The following ZBED4 variants were observed in gnomAD, a reference collection of about 807,000 sequenced individuals.
The protein encoded by ZBED4 is zinc finger BED-type containing 4.
In ZBED4, 4 loss-of-function variants were observed where a neutral mutation model predicts 15.5. The observed-to-expected ratio is 0.26, with a 90% confidence interval of 0.13 to 0.59. The LOEUF is 0.59. Among genes scored for constraint, ZBED4 ranks in the 20% least tolerant of loss-of-function variants. The pLI is 0.90. For synonymous variants in ZBED4, 692 were observed against 608.5 expected, an observed-to-expected ratio of 1.14 and a Z score of -2.02; for missense variants, 1,323 against 1,461.8, an observed-to-expected ratio of 0.91 and a Z score of 1.55.
At chr22:49,858,944 C>T (rs1223023710) in intron 1 of ZBED4, among the ~76,000 whole-genome samples, 1 of 152,156 alleles carries the variant, frequency 6.6e-6, no homozygotes, top group East Asian at 1.9e-4. Flanking sequence ...GCAGGTGATG[C>T]TGTGTGCTGC....
At chr22:49,873,994 A>G (rs1220041412) in intron 1 of ZBED4, among the ~76,000 whole-genome samples, 4 of 152,244 alleles carry the variant, frequency 2.6e-5, no homozygotes, top group Non-Finnish European at 5.9e-5. Flanking sequence ...GAGAACAAGA[A>G]TGAGCTTGAG....
rs2060435796 is a variant in ZBED4 at position 49,885,900 on chromosome 22, C to G, written c.2238C>G (p.Leu746=). ...ACCAGACCCGTGAGTACCTGACCCTCACGGCCCACTGGGTTTCCTTCGAGT... is the reference window on the plus strand; with the variant it reads ...ACCAGACCCGTGAGTACCTGACCCTGACGGCCCACTGGGTTTCCTTCGAGT... ...MSNQTREYLT[L]TAHWVSFESP... Residue 746 remains leucine (L), a synonymous_variant, in exon 2 of 2, where the codon CTC becomes CTG. Transcript: ENST00000216268. The G allele has an allele frequency of 9.4e-7, 1 of 1,058,980 alleles. No individual in the cohort carries two copies. The allele number at this position is 1,058,980 out of a possible 1,614,324, so 65.6% of individuals were successfully genotyped here. A position where few individuals can be genotyped will look rare whatever the true frequency, so the allele number is the denominator to read the frequency against.
intron 1 of ZBED4, among the ~76,000 whole-genome samples, chr22:49,869,285 C>T (rs1050137283): frequency 1.8e-4 from 27 of 152,166 alleles, no homozygotes; most frequent in African/African-American, 6.5e-4. Context: ...AGTGCTTCCG[C>T]TGGAAGGGCC....
In ZBED4 at chr22:49,887,326, A is replaced by G; in HGVS notation, c.*148A>G. On this transcript the variant is annotated 3_prime_UTR_variant, in exon 2 of 2. Coordinates refer to ENST00000216268, the MANE Select transcript of ZBED4 (RefSeq NM_014838.3). ...CTCTCCAGCTCACCACAGTGTCTCC[A>G]CGTGCCTTACCCCTTCTCCTTCAGG... The G allele has an allele frequency of 1.2e-6, 1 of 802,572 alleles. No homozygotes were observed. The highest frequency in any genetic ancestry group is 2.1e-5 in the South Asian group (1 of 46,674). The allele number at this position is 802,572 out of a possible 1,614,324, so 49.7% of individuals were successfully genotyped here. A position where few individuals can be genotyped will look rare whatever the true frequency, so the allele number is the denominator to read the frequency against.
chr22:49,873,186 C>G (rs1252979609), intron 1 of ZBED4, among the ~76,000 whole-genome samples: 2 of 152,316 alleles, frequency 1.3e-5, no homozygotes, highest in Non-Finnish European at 2.9e-5. Context: ...TACAAGAGTC[C>G]TAGCGTTGGC....
chr22:49,872,760 A>G (rs2060355040), intron 1 of ZBED4, among the ~76,000 whole-genome samples: 1 of 150,818 alleles, frequency 6.6e-6, no homozygotes, highest in East Asian at 2.0e-4. Flanking sequence ...GCTGGAGTGC[A>G]GTGACGTGAT....
rs910796 is a variant in ZBED4, at chr22:49,884,187, T to C, written c.525T>C (p.Ser175=). The C allele has an allele frequency of 0.9, 1,450,306 of 1,610,060 alleles. 653,723 individuals are homozygous for C. The highest frequency in any genetic ancestry group is 0.98 in the African/African-American group (73,634 of 74,892). The change falls in exon 2 of 2, where the codon AGT becomes AGC. Residue 175 remains serine (S), a synonymous_variant. Coordinates refer to ENST00000216268, the MANE Select transcript of ZBED4 (RefSeq NM_014838.3). ...HPTVLIQENG[S]VSAVSSFPSP... ...CCGTGCTCATTCAGGAAAATGGCAG[T>C]GTGTCTGCCGTGTCCTCGTTCCCCT...
chr22:49,868,123 C>G (rs1367635274), intron 1 of ZBED4, among the ~76,000 whole-genome samples: 1 of 152,190 alleles, frequency 6.6e-6, no homozygotes, highest in African/African-American at 2.4e-5. Flanking sequence ...CATGGTTTGT[C>G]CCTTCCACTT....
intron 1 of ZBED4, among the ~76,000 whole-genome samples, chr22:49,880,101 A>C (rs906128691): frequency 6.7e-6 from 1 of 149,038 alleles, no homozygotes; most frequent in African/African-American, 2.4e-5. Flanking sequence ...TAGTAAAGTT[A>C]ATCATAGACC....
rs1259069140 is a variant in ZBED4, at chr22:49,887,853, C to A, written c.*675C>A. The stretch of plus-strand genomic sequence containing the variant: ...TACATGGTCAGTTAACTCAGAGATA[C>A]CCCAGCTGTTTATCATCAGCTCCTC... On this transcript the variant is annotated 3_prime_UTR_variant, in exon 2 of 2. Coordinates refer to ENST00000216268, the MANE Select transcript of ZBED4 (RefSeq NM_014838.3). The A allele has an allele frequency of 6.0e-6, 1 of 167,234 alleles. No homozygotes were observed. Among genetic ancestry groups the A allele is most frequent in the East Asian group, 1.9e-4 (1 of 5,344 alleles). 10.4% of individuals were successfully genotyped at this position (167,234 alleles called of 1,614,324 possible). A position where few individuals can be genotyped will look rare whatever the true frequency, so the allele number is the denominator to read the frequency against.
intron 1 of ZBED4, among the ~76,000 whole-genome samples, chr22:49,882,907 G>C (rs1268191241): frequency 6.6e-6 from 1 of 152,222 alleles, no homozygotes; most frequent in Non-Finnish European, 1.5e-5. Flanking sequence ...ACGTTAGCTA[G>C]AGTTTTTCAA....
At position 49,885,007 on chromosome 22, in the gene ZBED4, C is replaced by A. The variant is rs1410350446; in HGVS notation, c.1345C>A (p.Gln449Lys). 1.2e-6 allele frequency: 2 copies of A among 1,613,230 alleles called. No individual in the cohort carries two copies. The highest frequency in any genetic ancestry group is 2.2e-5 in the South Asian group (2 of 91,008). ...RLFESGAIFQ[Q>K]NKKVMKRLKS... ...GTTTGAATCTGGCGCCATCTTCCAG[C>A]AGAATAAAAAGGTCATGAAAAGACT... Residue 449 changes from glutamine to lysine, a missense_variant, in exon 2 of 2, where the codon CAG (glutamine) becomes AAG (lysine). Coordinates refer to ENST00000216268, the MANE Select transcript of ZBED4 (RefSeq NM_014838.3).
chr22:49,859,434 CCT>C (rs1247062510), intron 1 of ZBED4, among the ~76,000 whole-genome samples: 2 of 152,056 alleles, frequency 1.3e-5, no homozygotes, highest in African/African-American at 4.8e-5. Flanking sequence ...CAAGCTGGCC[CCT>C]GTGTCCTTTT....
Position 49,884,270 on chromosome 22 carries a change from T to C in ZBED4, c.608T>C (p.Leu203Pro). The part of the protein sequence containing the change: ...PADAGDLSTI[L>P]SPIKLVQKVA... ...GACGCGGGTGACCTCAGCACCATCC[T>C]CTCACCCATCAAACTTGTCCAGAAA... Residue 203 changes from leucine to proline, a missense_variant, in exon 2 of 2, where the codon CTC becomes CCC. Transcript: ENST00000216268. 6.2e-7 allele frequency: 1 copy of C among 1,611,064 alleles called. No homozygotes were observed. The highest frequency in any genetic ancestry group is 8.5e-7 in the Non-Finnish European group (1 of 1,178,414).
Position 49,884,691 on chromosome 22 carries a change from C to T in ZBED4, c.1029C>T (p.Asn343=), listed in dbSNP as rs369020472. 1.6e-4 allele frequency: 253 copies of T among 1,599,968 alleles called. No individual in the cohort carries two copies. The highest frequency in any genetic ancestry group is 1.9e-4 in the Non-Finnish European group (223 of 1,172,394). The change falls in exon 2 of 2, where the codon AAC becomes AAT. Residue 343 remains asparagine, a synonymous_variant. Coordinates refer to ENST00000216268, the MANE Select transcript of ZBED4 (RefSeq NM_014838.3). ...RAHRAIVLQE[N]GGTGIPPLYS... ...ACCGCGCCATCGTGTTGCAGGAGAACGGGGGCACGGGCATCCCGCCACTGT... is the reference window on the plus strand; with the variant it reads ...ACCGCGCCATCGTGTTGCAGGAGAATGGGGGCACGGGCATCCCGCCACTGT...
intron 1 of ZBED4, 87 bp downstream of exon 1, chr22:49,854,076 T>G (rs2060263999): frequency 7.1e-6 from 1 of 140,122 alleles, no homozygotes; most frequent in African/African-American, 2.6e-5. Flanking sequence ...GCCGCGCCAT[T>G]GTCTGCGCCG....
In ZBED4 at chr22:49,853,965, G is replaced by T. The variant is rs902884568; in HGVS notation, c.-354G>T. On this transcript the variant is annotated 5_prime_UTR_variant, in exon 1 of 2. The change creates a premature stop within an existing upstream ORF in the 5' untranslated region. Transcript: ENST00000216268. ...GCCGCCGTCGTCCGCAGCCGGCCGG[G>T]AGCCGCCCCAGAGGCCGGGCCGAGG... 9 of 144,440 alleles carry T rather than the reference G, an allele frequency of 6.2e-5. No homozygotes were observed. The highest frequency in any genetic ancestry group is 2.0e-4 in the African/African-American group (8 of 40,340). The allele number at this position is 144,440 out of a possible 1,614,324, so 8.9% of individuals were successfully genotyped here. A position where few individuals can be genotyped will look rare whatever the true frequency, so the allele number is the denominator to read the frequency against.
chr22:49,865,076 A>T (rs976087338), intron 1 of ZBED4, among the ~76,000 whole-genome samples: 1 of 151,866 alleles, frequency 6.6e-6, no homozygotes, highest in Non-Finnish European at 1.5e-5. Flanking sequence ...GTGTGTTCTG[A>T]GAAATGCGTT....
chr22:49,861,864 G>A (rs17001371), intron 1 of ZBED4, among the ~76,000 whole-genome samples: 1,646 of 152,272 alleles, frequency 0.011, 42 homozygotes, highest in African/African-American at 0.036. Context: ...TGTGTTTCTG[G>A]TGAGGACTGT....
Sources: gnomAD v4.1 joint callset for allele counts (sites outside exome capture counted in the v4.1 genomes callset) on GRCh38, gnomAD v4.1.1 for gene constraint, MANE v1.5 for transcripts, NCBI Gene and HGNC (gene_info 2026-07-23, HGNC 2026-07-21) for gene names.